GPALPP1: variants seen among roughly 807,000 people sequenced by gnomAD.
GPALPP1 encodes GPALPP motifs containing 1, also known as GPALPP motifs-containing protein 1.
In GPALPP1, 30 loss-of-function variants were observed where a neutral mutation model predicts 38.9. The ratio of observed to expected loss-of-function variants is 0.77; its 90% CI spans 0.58 to 1.05. The LOEUF is 1.05. Ranked by LOEUF, GPALPP1 falls within the 50% of genes least tolerant of loss-of-function variation. GPALPP1 has a pLI of 0.00. For missense variants in GPALPP1, 384 were observed against 408.8 expected (o/e 0.94, Z 0.52); for synonymous variants, 120 against 139.2 (o/e 0.86, Z 0.97).
chr13:44,991,703 T>C (rs1177741067), intron 1 of GPALPP1, among the ~76,000 whole-genome samples: 2 of 152,200 alleles, frequency 1.3e-5, no homozygotes, highest in Non-Finnish European at 2.9e-5. Context: ...TATCACACCA[T>C]AGAAGCTGCA....
At chr13:45,037,540 TTTAAA>T (rs1391418599) in exon 8 of GPALPP1, 1 of 152,248 alleles carries the variant, frequency 6.6e-6, no homozygotes, top group Admixed American at 6.5e-5. Flanking sequence ...TTTAACTGAA[TTTAAA>T]TTAGTGTTTT....
chr13:44,989,899 G>C (rs113161947), intron 1 of GPALPP1, 157 bp downstream of exon 1: 12 of 609,462 alleles, frequency 2.0e-5, no homozygotes, highest in Admixed American at 5.9e-5. Context: ...ACAGTAGCAG[G>C]GGGGAGGAGG....
intron 6 of GPALPP1, among the ~76,000 whole-genome samples, chr13:45,016,443 G>C (rs577599539): frequency 9.9e-5 from 15 of 151,552 alleles, no homozygotes; most frequent in African/African-American, 3.6e-4. Context: ...AACAGAGCGA[G>C]ACTCCATCTC....
intron 6 of GPALPP1, among the ~76,000 whole-genome samples, chr13:45,016,070 T>C (rs1244276933): frequency 6.6e-6 from 1 of 152,040 alleles, no homozygotes; most frequent in African/African-American, 2.4e-5. Flanking sequence ...CTAGAGAATT[T>C]CTCTCAAAAT....
intron 3 of GPALPP1, among the ~76,000 whole-genome samples, chr13:45,007,218 G>A (rs972387109): frequency 4.0e-5 from 6 of 151,898 alleles, no homozygotes; most frequent in African/African-American, 1.5e-4. Flanking sequence ...GCCCTTTATA[G>A]AAAGTTTGCT....
intron 3 of GPALPP1, among the ~76,000 whole-genome samples, chr13:45,006,571 C>T (rs969561948): frequency 2.0e-5 from 3 of 152,056 alleles, no homozygotes; most frequent in African/African-American, 7.2e-5. Context: ...GGTGGATCAC[C>T]CCTCTCCCCA....
chr13:45,034,749 T>A (rs1485341746), downstream of GPALPP1: 18 of 148,790 alleles, frequency 1.2e-4, no homozygotes, highest in East Asian at 1.2e-3. Flanking sequence ...TTTATTTTTT[T>A]TTTTTGAGAC....
intron 6 of GPALPP1, among the ~76,000 whole-genome samples, chr13:45,016,669 GTC>G (rs1357755423): frequency 1.3e-5 from 2 of 152,008 alleles, no homozygotes; most frequent in Admixed American, 1.3e-4. Context: ...AAGAGACAAG[GTC>G]TCTCTGTCAC....
chr13:45,023,352 T>C (rs910088930), intron 7 of GPALPP1, among the ~76,000 whole-genome samples: 11 of 152,212 alleles, frequency 7.2e-5, no homozygotes, highest in Admixed American at 1.3e-4. Context: ...TCTTTTATCA[T>C]CATGAATTTG....
At chr13:45,000,953 A>T (rs1316150647) in intron 1 of GPALPP1, among the ~76,000 whole-genome samples, 2 of 152,220 alleles carry the variant, frequency 1.3e-5, no homozygotes, top group Non-Finnish European at 2.9e-5. Flanking sequence ...GAGATAGGAA[A>T]AATTTTTTTG....
chr13:45,034,578 T>C (rs1207931150), downstream of GPALPP1: 3 of 152,078 alleles, frequency 2.0e-5, no homozygotes, highest in African/African-American at 7.2e-5. Context: ...TGCTCCAGTA[T>C]GGCGGGTATA....
chr13:44,996,249 G>C (rs903090926), intron 1 of GPALPP1, among the ~76,000 whole-genome samples: 1 of 151,908 alleles, frequency 6.6e-6, no homozygotes, highest in African/African-American at 2.4e-5. Flanking sequence ...CAACTACTTG[G>C]GGGGCTGAGG....
chr13:45,006,326 G>C, intron 3 of GPALPP1, 23 bp downstream of exon 3: 1 of 1,185,416 alleles, frequency 8.4e-7, no homozygotes, highest in Non-Finnish European at 1.2e-6. Flanking sequence ...AATATTTTAG[G>C]CCAGTCTTTC....
At chr13:45,015,700 G>T in intron 6 of GPALPP1, 104 bp downstream of exon 6, 1 of 770,626 alleles carries the variant, frequency 1.3e-6, no homozygotes, top group Non-Finnish European at 1.9e-6. Context: ...TTAAAATTAT[G>T]ATTCCAAAAG....
intron 1 of GPALPP1, among the ~76,000 whole-genome samples, chr13:44,997,976 T>A (rs1873412422): frequency 1.3e-5 from 2 of 152,226 alleles, no homozygotes; most frequent in African/African-American, 4.8e-5. Flanking sequence ...GGTCCATAGG[T>A]CTGTCCAGTA....
chr13:45,009,304 C>T (rs571107598), intron 4 of GPALPP1, among the ~76,000 whole-genome samples: 1 of 152,300 alleles, frequency 6.6e-6, no homozygotes, highest in African/African-American at 2.4e-5. Flanking sequence ...TAAAAAAATG[C>T]ACTGGTGGAT....
chr13:45,033,217 T>C (rs1191165811), downstream of GPALPP1: 1 of 152,176 alleles, frequency 6.6e-6, no homozygotes, highest in Non-Finnish European at 1.5e-5. Flanking sequence ...TCACTTCTCT[T>C]TTCATTTTTT....
chr13:45,029,163 A>G lies in GPALPP1; in HGVS notation c.*1160A>G, dbSNP rs1876055082. 6.6e-6 allele frequency: 1 copy of G among 152,170 alleles called. No homozygotes were observed. Among genetic ancestry groups the G allele is most frequent in the Admixed American group, 6.5e-5 (1 of 15,276 alleles). The allele number at this position is 152,170 out of a possible 1,614,324, so 9.4% of individuals were successfully genotyped here. A position where few individuals can be genotyped will look rare whatever the true frequency, so the allele number is the denominator to read the frequency against. On this transcript the variant is annotated 3_prime_UTR_variant, in exon 8 of 8. Transcript: ENST00000379151. ...TGTATTAAACCTATATCAATATTCAAATGTGATTTTTGAGGAAAATATGTT... is the reference window on the plus strand; with the variant it reads ...TGTATTAAACCTATATCAATATTCAGATGTGATTTTTGAGGAAAATATGTT...
chr13:44,995,795 C>T (rs1873225536), intron 1 of GPALPP1, among the ~76,000 whole-genome samples: 1 of 152,140 alleles, frequency 6.6e-6, no homozygotes, highest in Admixed American at 6.5e-5. Context: ...CTGGGTGAGG[C>T]CTGAGATTCT....
Sources: allele counts gnomAD v4.1 joint callset (sites outside exome capture counted in the v4.1 genomes callset), GRCh38; gene constraint gnomAD v4.1.1; transcripts MANE v1.5; gene names NCBI Gene and HGNC (gene_info 2026-07-23, HGNC 2026-07-21).